The following RBFOX1 variants were observed in gnomAD, a reference collection of about 807,000 sequenced individuals.
RBFOX1 encodes RNA binding protein fox-1 homolog 1.
In RBFOX1, 8 loss-of-function variants were observed where a neutral mutation model predicts 57.7. The observed-to-expected ratio is 0.14, with a 90% CI of 0.08 to 0.25. RBFOX1 has a LOEUF of 0.25. RBFOX1 is among the 10% of genes least tolerant of loss of function. The pLI, the probability that RBFOX1 is intolerant of heterozygous loss-of-function variation, is 1.00. For missense variants in RBFOX1, 611 were observed against 548.5 expected (o/e 1.11, Z -1.14); for synonymous variants, 326 against 222.4 (o/e 1.47, Z -4.15).
At chr16:5,742,843 A>G (rs2052826256) in intron 3 of RBFOX1, among the ~76,000 whole-genome samples, 1 of 152,232 alleles carries the variant, frequency 6.6e-6, no homozygotes, top group Non-Finnish European at 1.5e-5. Flanking sequence ...GGGGGCTAAG[A>G]GCTAGCTTGA....
intron 3 of RBFOX1, among the ~76,000 whole-genome samples, chr16:5,811,809 T>C (rs187085228): frequency 1.1e-4 from 17 of 152,298 alleles, no homozygotes; most frequent in Admixed American, 7.8e-4. Context: ...TATTCACCTA[T>C]TGTTTCTATG....
At chr16:6,332,477 G>A (rs553830869) in intron 2 of RBFOX1, among the ~76,000 whole-genome samples, 2 of 152,330 alleles carry the variant, frequency 1.3e-5, no homozygotes, top group African/African-American at 4.8e-5. Context: ...TATTAGGGAT[G>A]GCAGGAATAA....
At chr16:5,949,725 C>T (rs985019101) in intron 4 of RBFOX1, among the ~76,000 whole-genome samples, 10 of 152,120 alleles carry the variant, frequency 6.6e-5, no homozygotes, top group African/African-American at 2.4e-4. Context: ...TATGCTACCT[C>T]AACCAGCAGC....
intron 2 of RBFOX1, among the ~76,000 whole-genome samples, chr16:6,562,598 T>C (rs2097192782): frequency 1.3e-5 from 2 of 152,212 alleles, no homozygotes; most frequent in Admixed American, 6.5e-5. Context: ...TAAGTGGTTG[T>C]GCAAGTTTCT....
intron 3 of RBFOX1, among the ~76,000 whole-genome samples, chr16:6,656,901 A>ACCTCTCCTCTCCTCC (rs1568077752): frequency 0.013 from 438 of 34,998 alleles, no homozygotes; most frequent in East Asian, 0.015. Context: ...TCCTCCCCTC[A>ACCTCTCCTCTCCTCC]ACTCTCCTCT....
intron 3 of RBFOX1, among the ~76,000 whole-genome samples, chr16:5,717,386 C>T (rs1169796783): frequency 6.6e-6 from 1 of 151,846 alleles, no homozygotes; most frequent in Non-Finnish European, 1.5e-5. Flanking sequence ...TTTGGCGGTA[C>T]AGGTGGTTTT....
At chr16:6,663,274 T>A (rs999462135) in intron 3 of RBFOX1, among the ~76,000 whole-genome samples, 1 of 152,220 alleles carries the variant, frequency 6.6e-6, no homozygotes, top group African/African-American at 2.4e-5. Context: ...CACAGACGGC[T>A]CAGCTTAAGT....
At chr16:5,457,741 G>T (rs955319268) in intron 1 of RBFOX1, among the ~76,000 whole-genome samples, 4 of 152,352 alleles carry the variant, frequency 2.6e-5, no homozygotes, top group Admixed American at 2.0e-4. Flanking sequence ...CTGGGGCCCA[G>T]TGTGACTATC....
chr16:7,418,614 G>A (rs59764168), intron 4 of RBFOX1, among the ~76,000 whole-genome samples: 4,733 of 152,224 alleles, frequency 0.031, 236 homozygotes, highest in African/African-American at 0.11. Flanking sequence ...TGAACTGTTC[G>A]TTGCCACAGA....
chr16:6,298,822 G>T (rs1269921393), intron 1 of RBFOX1, among the ~76,000 whole-genome samples: 2 of 152,132 alleles, frequency 1.3e-5, no homozygotes, highest in Admixed American at 1.3e-4. Flanking sequence ...ATATTTAAAT[G>T]GATCATGCCA....
intron 1 of RBFOX1, among the ~76,000 whole-genome samples, chr16:6,046,583 G>A (rs1478152845): frequency 2.0e-5 from 3 of 151,734 alleles, no homozygotes; most frequent in Non-Finnish European, 2.9e-5. Flanking sequence ...GAGTTCTCAA[G>A]GACAGAGAAA....
intron 4 of RBFOX1, among the ~76,000 whole-genome samples, chr16:7,162,277 A>G (rs189106615): frequency 1.3e-5 from 2 of 152,260 alleles, no homozygotes; most frequent in South Asian, 2.1e-4. Flanking sequence ...CTCTCTCTCC[A>G]TATGTATATA....
chr16:5,241,447 C>T lies in RBFOX1; in HGVS notation c.219+1342C>T, dbSNP rs1156915456. Among the ~76,000 whole-genome samples, 5 of 152,206 alleles carry T rather than the reference C, an allele frequency of 3.3e-5. No homozygotes were observed. In the East Asian group the frequency reaches 9.6e-4, roughly 29 times the overall value. ...CCTCTACCTCCCTCTTTTACGTGGA[C>T]TCTGCCAAAGACCAGGATACTAGAA... is the stretch of plus-strand genomic sequence containing the variant. On this transcript the variant is annotated intron_variant, in intron 1 of 2. Coordinates refer to the RBFOX1 transcript ENST00000585867.
intron 1 of RBFOX1, among the ~76,000 whole-genome samples, chr16:5,350,823 C>G (rs1227571644): frequency 6.6e-6 from 1 of 152,170 alleles, no homozygotes; most frequent in Non-Finnish European, 1.5e-5. Context: ...CGATATTGCA[C>G]CACTGCGCTC....
At chr16:5,893,962 A>T (rs116212809) in intron 4 of RBFOX1, among the ~76,000 whole-genome samples, 58 of 152,318 alleles carry the variant, frequency 3.8e-4, no homozygotes, top group South Asian at 1.2e-3. Context: ...ATTTAGTTGC[A>T]AAATGTGGAA....
rs79425954 is a variant in RBFOX1, at chr16:6,627,102, A to T, written c.-63-27501A>T. ...GCTCTAAAATCCATGGCCGCTGAAC[A>T]CAAAGTCCTATTGTGCCTCCCAAAG... On this transcript the variant is annotated intron_variant, in intron 2 of 15. Coordinates refer to ENST00000550418, the MANE Select transcript of RBFOX1 (RefSeq NM_018723.4). Among the ~76,000 whole-genome samples, 5 of 152,340 alleles carry T rather than the reference A, an allele frequency of 3.3e-5. No homozygotes were observed. In the East Asian group the frequency reaches 9.7e-4, roughly 29 times the overall value.
In RBFOX1 at chr16:7,179,955, C is replaced by A. The variant is rs535796116; in HGVS notation, c.27+127857C>A. On this transcript the variant is annotated intron_variant, in intron 4 of 15. Coordinates refer to ENST00000550418, the MANE Select transcript of RBFOX1 (RefSeq NM_018723.4). The stretch of plus-strand genomic sequence containing the variant: ...ATGGGGTTTCGCCATGTTTGCCAGG[C>A]AGATCTAGAACTCCTGACCTCAAGT... Among the ~76,000 whole-genome samples, 8 of 151,806 alleles carry A rather than the reference C, an allele frequency of 5.3e-5. No individual in the cohort carries two copies. In the South Asian group the frequency reaches 1.7e-3, roughly 32 times the overall value.
At chr16:6,771,004 G>C (rs1401884687) in intron 3 of RBFOX1, among the ~76,000 whole-genome samples, 1 of 152,112 alleles carries the variant, frequency 6.6e-6, no homozygotes, top group African/African-American at 2.4e-5. Context: ...CAGAATGTGA[G>C]TCTGTTTGGA....
At chr16:6,682,806 G>A (rs1294157590) in intron 3 of RBFOX1, among the ~76,000 whole-genome samples, 1 of 147,788 alleles carries the variant, frequency 6.8e-6, no homozygotes, top group Non-Finnish European at 1.5e-5. Flanking sequence ...TTTTCAGATA[G>A]CTTAATCAGA....
Sources: gnomAD v4.1 joint callset for allele counts (sites outside exome capture counted in the v4.1 genomes callset) on GRCh38, gnomAD v4.1.1 for gene constraint, MANE v1.5 for transcripts, NCBI Gene and HGNC (gene_info 2026-07-23, HGNC 2026-07-21) for gene names.